FBH1: variants seen among roughly 807,000 people sequenced by gnomAD.
FBH1 encodes DNA 3'-5' helicase 1.
Under a neutral mutation model 115.5 loss-of-function variants are expected in FBH1, and 43 were observed. The observed-to-expected ratio is 0.37, with a 90% CI of 0.29 to 0.48. The LOEUF is 0.48. Among genes scored for constraint, FBH1 ranks in the 20% least tolerant of loss-of-function variants. FBH1 has a pLI of 0.99. For synonymous variants in FBH1, 524 were observed against 507.8 expected (o/e 1.03, Z -0.43); for missense variants, 1,001 against 1,337.3 (o/e 0.75, Z 3.92).
chr10:5,904,060 C>CT (rs1196410285), intron 2 of FBH1, among the ~76,000 whole-genome samples: 155 of 146,454 alleles, frequency 1.1e-3, no homozygotes, highest in African/African-American at 1.7e-3. Flanking sequence ...ATCTGGTTGT[C>CT]TTTTTTTTTT....
At chr10:5,905,675 G>A (rs1843647262) in intron 2 of FBH1, among the ~76,000 whole-genome samples, 1 of 152,134 alleles carries the variant, frequency 6.6e-6, no homozygotes. Flanking sequence ...GTGGGAGCGG[G>A]GCACTTTGTG....
chr10:5,909,154 TAC>T lies in FBH1; in HGVS notation c.885-3_885-2del. ...CTCATGGCCTCTCCTGTGAATGTCTTACAGATACACAGCCACCACTAAGTGCT... is the reference window on the plus strand; with the variant it reads ...CTCATGGCCTCTCCTGTGAATGTCTTAGATACACAGCCACCACTAAGTGCT... On this transcript the variant is annotated splice_polypyrimidine_tract_variant and splice_region_variant and intron_variant, in intron 4 of 20. Transcript: ENST00000362091. The surrounding 1 kb of genome is among the most constrained non-coding windows in gnomAD (Gnocchi z 4.4). The T allele has an allele frequency of 6.2e-7, 1 of 1,613,676 alleles. No individual in the cohort carries two copies. The highest frequency in any genetic ancestry group is 8.5e-7 in the Non-Finnish European group (1 of 1,179,986).
rs191097135 is a variant in FBH1, at chr10:5,922,285, A to G, written c.2322+716A>G. Among the ~76,000 whole-genome samples the G allele has an allele frequency of 2.7e-3, 413 of 152,326 alleles. 2 individuals carry two copies. Among genetic ancestry groups the G allele is most frequent in the Non-Finnish European group, 4.2e-3 (287 of 68,026 alleles). The stretch of plus-strand genomic sequence containing the variant: ...ACCTAAAAAAAGAACACATAATCCC[A>G]GTATTTCATATAATAATTCTCATTT... On this transcript the variant is annotated intron_variant, in intron 15 of 20. Coordinates refer to ENST00000362091, the MANE Select transcript of FBH1 (RefSeq NM_178150.3).
chr10:5,903,801 C>T (rs1328418121), intron 2 of FBH1, among the ~76,000 whole-genome samples: 1 of 152,216 alleles, frequency 6.6e-6, no homozygotes, highest in Non-Finnish European at 1.5e-5. Flanking sequence ...CATTCATCTT[C>T]TCTGTCCAAT....
At chr10:5,908,882 G>A (rs367702000) in intron 3 of FBH1, 43 bp from the exon 4 acceptor site, 2 of 1,608,482 alleles carry the variant, frequency 1.2e-6, no homozygotes, top group Middle Eastern at 1.6e-4. Context: ...CTTTCTAATG[G>A]CCCTTTGCCT....
At position 5,914,874 on chromosome 10, in the gene FBH1, C is replaced by T. The variant is rs1236129710; in HGVS notation, c.1397-529C>T. Among the ~76,000 whole-genome samples, 2 of 152,124 alleles carry T rather than the reference C, an allele frequency of 1.3e-5. No individual in the cohort carries two copies. Among genetic ancestry groups the T allele is most frequent in the African/African-American group, 4.8e-5 (2 of 41,404 alleles). On this transcript the variant is annotated intron_variant, in intron 8 of 20. Coordinates refer to ENST00000362091, the MANE Select transcript of FBH1 (RefSeq NM_178150.3). This position sits in a 1 kb window ranked among gnomAD's most constrained non-coding sequence, Gnocchi z 5.2. ...ACAACAACAACATTTTGAATGCCTG[C>T]AGTGTGCTTGGCATTGTGCTGATCC...
chr10:5,898,636 T>C (rs944630168), intron 1 of FBH1, among the ~76,000 whole-genome samples: 1 of 152,090 alleles, frequency 6.6e-6, no homozygotes, highest in African/African-American at 2.4e-5. Context: ...TCTTGAACTC[T>C]AGACCTCAAG....
rs775925424 is a variant in FBH1, at chr10:5,916,464, T to G, written c.1788+8T>G. On this transcript the variant is annotated splice_region_variant and intron_variant, in intron 10 of 20. Coordinates refer to ENST00000362091, the MANE Select transcript of FBH1 (RefSeq NM_178150.3). ...GAGCAGAGTGAAAAACTGGTGAGTG[T>G]CTAAGTGTCTGAAGTGTTAGGGATC... 29 of 1,599,848 alleles carry G rather than the reference T, an allele frequency of 1.8e-5. No homozygotes were observed. In the East Asian group the frequency reaches 6.4e-4, roughly 35 times the overall value.
In FBH1 at chr10:5,925,278, C is replaced by A; in HGVS notation, c.2597-89C>A. 6.6e-7 allele frequency: 1 copy of A among 1,517,524 alleles called. No homozygotes were observed. The highest frequency in any genetic ancestry group is 1.3e-5 in the South Asian group (1 of 79,944). 94.0% of individuals were successfully genotyped at this position (1,517,524 alleles called of 1,614,324 possible). On this transcript the variant is annotated intron_variant, in intron 17 of 20. Coordinates refer to ENST00000362091, the MANE Select transcript of FBH1 (RefSeq NM_178150.3). This position sits in a 1 kb window ranked among gnomAD's most constrained non-coding sequence, Gnocchi z 4.6. ...CACTGAGGCAAGAAATGTTCGAGTT[C>A]AGAGTCAAGTGGGAAACATGTATGT...
Position 5,914,844 on chromosome 10 carries a change from T to G in FBH1, c.1397-559T>G, listed in dbSNP as rs1462804891. Among the ~76,000 whole-genome samples the G allele has an allele frequency of 2.0e-5, 3 of 152,194 alleles. No homozygotes were observed. Among genetic ancestry groups the G allele is most frequent in the African/African-American group, 7.2e-5 (3 of 41,448 alleles). On this transcript the variant is annotated intron_variant, in intron 8 of 20. Transcript: ENST00000362091. This position sits in a 1 kb window ranked among gnomAD's most constrained non-coding sequence, Gnocchi z 5.2. The stretch of plus-strand genomic sequence containing the variant: ...CTCCTTTTGTGGCTAAATACCCTGC[T>G]AACAACAACAACAACATTTTGAATG...
At position 5,926,297 on chromosome 10, in the gene FBH1, AGAGACGGG is replaced by A. The variant is rs575999772; in HGVS notation, c.2722+807_2722+814del. Among the ~76,000 whole-genome samples, 48 of 152,224 alleles carry A rather than the reference AGAGACGGG, an allele frequency of 3.2e-4. No individual in the cohort carries two copies. In the South Asian group the frequency reaches 9.8e-3, roughly 31 times the overall value. On this transcript the variant is annotated intron_variant, in intron 18 of 20. Coordinates refer to ENST00000362091, the MANE Select transcript of FBH1 (RefSeq NM_178150.3). ...CCCAGCTAATTTTTGTATTTTTAGT[AGAGACGGG>A]GTTTCGCCATGTTGGCCAGTCTGGT...
chr10:5,910,358 A>G lies in FBH1; in HGVS notation c.1021-580A>G, dbSNP rs1474490937. 5.3e-5 allele frequency among the ~76,000 whole-genome samples: 8 copies of G among 152,220 alleles called. No individual in the cohort carries two copies. Among genetic ancestry groups the G allele is most frequent in the Non-Finnish European group, 1.0e-4 (7 of 68,046 alleles). ...AGCGAACATTTACAGAGACATTGCT[A>G]AGAGGAGCATGCTGTCTTCACAAAA... On this transcript the variant is annotated intron_variant, in intron 5 of 20. Transcript: ENST00000362091. This position sits in a 1 kb window ranked among gnomAD's most constrained non-coding sequence, Gnocchi z 4.8.
Position 5,910,162 on chromosome 10 carries a change from G to C in FBH1, c.1021-776G>C, listed in dbSNP as rs1216643042. Among the ~76,000 whole-genome samples, 1 of 151,958 alleles carries C rather than the reference G, an allele frequency of 6.6e-6. No individual in the cohort carries two copies. The highest frequency in any genetic ancestry group is 1.5e-5 in the Non-Finnish European group (1 of 68,004). Reference sequence around the variant, plus strand: ...CCGAGCATGGTGGCATGTGCCTGTAGTACTGGCTACTCTGGAGGCTGAGAC... The same window carrying C: ...CCGAGCATGGTGGCATGTGCCTGTACTACTGGCTACTCTGGAGGCTGAGAC... On this transcript the variant is annotated intron_variant, in intron 5 of 20. Transcript: ENST00000362091. This position sits in a 1 kb window ranked among gnomAD's most constrained non-coding sequence, Gnocchi z 4.8.
At position 5,906,493 on chromosome 10, in the gene FBH1, G is replaced by A; in HGVS notation, c.614G>A (p.Cys205Tyr). 2 of 1,614,080 alleles carry A rather than the reference G, an allele frequency of 1.2e-6. No individual in the cohort carries two copies. The highest frequency in any genetic ancestry group is 1.7e-6 in the Non-Finnish European group (2 of 1,180,006). Reference protein sequence around the residue: ...SYYGLLGTLPCQEALSHICSL... With the variant: ...SYYGLLGTLPYQEALSHICSL... The stretch of plus-strand genomic sequence containing the variant: ...TATGGGCTTCTTGGGACCTTGCCCT[G>A]CCAGGAAGCACTGAGCCACATTTGC... The change falls in exon 3 of 21, where the codon TGC becomes TAC. Residue 205 changes from cysteine (C) to tyrosine (Y), a missense_variant. Around this residue, in one of 4 missense-constraint regions of FBH1, gnomAD observed 420 missense variants for 430.4 expected, o/e 0.98. Transcript: ENST00000362091. The surrounding 1 kb of genome is among the most constrained non-coding windows in gnomAD (Gnocchi z 7.3).
chr10:5,924,607 G>A lies in FBH1; in HGVS notation c.2596+99G>A, dbSNP rs928021933. On this transcript the variant is annotated intron_variant, in intron 17 of 20. Transcript: ENST00000362091. This position sits in a 1 kb window ranked among gnomAD's most constrained non-coding sequence, Gnocchi z 6.2. ...TTTTGAGACAGAGTATTGCTCTGTTGCCCAGGCTGGAGTGCAGTGGCGTGA... is the reference window on the plus strand; with the variant it reads ...TTTTGAGACAGAGTATTGCTCTGTTACCCAGGCTGGAGTGCAGTGGCGTGA... The A allele has an allele frequency of 8.3e-5, 104 of 1,246,588 alleles. No individual in the cohort carries two copies. Among genetic ancestry groups the A allele is most frequent in the Non-Finnish European group, 1.1e-4 (97 of 884,034 alleles). The allele number at this position is 1,246,588 out of a possible 1,614,324, so 77.2% of individuals were successfully genotyped here.
Position 5,903,115 on chromosome 10 carries a change from A to G in FBH1, c.97A>G (p.Thr33Ala), listed in dbSNP as rs866114650. Residue 33 changes from threonine to alanine, a missense_variant, in exon 2 of 21, where the codon ACA (threonine) becomes GCA (alanine). Coordinates refer to ENST00000362091, the MANE Select transcript of FBH1 (RefSeq NM_178150.3). ...GACCCAGCCCTTCGGTCAAAGATGG[A>G]CAAACAGAGATCCGAACCATGGTCT... Reference protein sequence around the residue: ...AVTQPFGQRWTNRDPNHGLYP... With the variant: ...AVTQPFGQRWANRDPNHGLYP... 1.4e-5 allele frequency: 22 copies of G among 1,613,770 alleles called. No individual in the cohort carries two copies. Among genetic ancestry groups the G allele is most frequent in the Non-Finnish European group, 1.9e-5 (22 of 1,179,922 alleles).
In FBH1 at chr10:5,915,968, CG is replaced by C; in HGVS notation, c.1566-262del. 1 of 511,086 alleles carries C rather than the reference CG, an allele frequency of 2.0e-6. No individual in the cohort carries two copies. Among genetic ancestry groups the C allele is most frequent in the Non-Finnish European group, 3.5e-6 (1 of 283,480 alleles). The allele number at this position is 511,086 out of a possible 1,614,324, so 31.7% of individuals were successfully genotyped here. On this transcript the variant is annotated intron_variant, in intron 9 of 20. Transcript: ENST00000362091. The surrounding 1 kb of genome is among the most constrained non-coding windows in gnomAD (Gnocchi z 5.2). ...CATCAGGGAACTCCAAGGGTCCCTC[CG>C]GGGACCTTCTGGAGCCCAGCTTCAT...
At position 5,909,423 on chromosome 10, in the gene FBH1, G is replaced by A; in HGVS notation, c.1020+129G>A. On this transcript the variant is annotated intron_variant, in intron 5 of 20. Coordinates refer to ENST00000362091, the MANE Select transcript of FBH1 (RefSeq NM_178150.3). The surrounding 1 kb of genome is among the most constrained non-coding windows in gnomAD (Gnocchi z 4.4). ...TCTGTATTTAATCTCTGAATGCTTT[G>A]AAGCATTCATGTTGTCATTGTCCCC... 5 of 1,083,150 alleles carry A rather than the reference G, an allele frequency of 4.6e-6. No homozygotes were observed. Among genetic ancestry groups the A allele is most frequent in the South Asian group, 1.7e-5 (1 of 59,070 alleles). 67.1% of individuals were successfully genotyped at this position (1,083,150 alleles called of 1,614,324 possible).
At chr10:5,908,830 C>T (rs1442145999) in intron 3 of FBH1, 95 bp from the exon 4 acceptor site, 9 of 1,410,760 alleles carry the variant, frequency 6.4e-6, no homozygotes, top group African/African-American at 1.4e-5. Context: ...ATGCTAGTCT[C>T]AAACTCCTGA....
Sources: allele counts gnomAD v4.1 joint callset (sites outside exome capture counted in the v4.1 genomes callset), GRCh38; gene constraint gnomAD v4.1.1; regional missense constraint gnomAD v4.1.1; non-coding constraint Gnocchi (gnomAD v3.1); transcripts MANE v1.5; gene names NCBI Gene and HGNC (gene_info 2026-07-23, HGNC 2026-07-21).